The following SYNE2 variants were observed in gnomAD, a reference collection of about 807,000 sequenced individuals.
SYNE2 encodes nesprin-2.
SYNE2 carries 431 observed loss-of-function variants against 856.3 expected under a neutral mutation model. The ratio of observed to expected loss-of-function variants is 0.50; its 90% CI spans 0.47 to 0.55. The LOEUF is 0.55. Among genes scored for constraint, SYNE2 ranks in the 20% least tolerant of loss-of-function variants. The probability of loss-of-function intolerance (pLI) is 0.00; values close to 1 mark genes in which losing one functional copy is unlikely to be tolerated. For missense variants in SYNE2, 8,129 were observed against 8,023.2 expected (o/e 1.01, Z -0.50); for synonymous variants, 2,923 against 2,872.3 (o/e 1.02, Z -0.56).
chr14:64,134,323 C>T, intron 78 of SYNE2, 123 bp downstream of exon 78: 1 of 1,030,732 alleles, frequency 9.7e-7, no homozygotes, highest in Non-Finnish European at 1.5e-6. Flanking sequence ...TCATACAACT[C>T]ACTGTTGAAT....
chr14:64,002,030 C>T lies in SYNE2; in HGVS notation c.3735C>T (p.Ala1245=). The change falls in exon 29 of 116, where the codon GCC becomes GCT. Residue 1245 remains alanine (A), a synonymous_variant. Coordinates refer to ENST00000555002, the MANE Select transcript of SYNE2 (RefSeq NM_182914.3). The stretch of plus-strand genomic sequence containing the variant: ...CGGACCTGCCTCTCCATAAAATGGC[C>T]ATCCAGGGATTTCATCTCATTGATG... ...CGSDLPLHKM[A]IQGFHLIDAD... is the part of the protein sequence containing the mutation. The T allele has an allele frequency of 6.2e-7, 1 of 1,613,748 alleles. No homozygotes were observed. The highest frequency in any genetic ancestry group is 8.5e-7 in the Non-Finnish European group (1 of 1,179,664).
chr14:64,165,543 C>T lies in SYNE2; in HGVS notation c.16605+133C>T, dbSNP rs113737942. ...ATTTTTTTTTTTTGAGACGGACTCTCGCTCTGTCACCCAGGCTGGAGTGCA... is the reference window on the plus strand; with the variant it reads ...ATTTTTTTTTTTTGAGACGGACTCTTGCTCTGTCACCCAGGCTGGAGTGCA... On this transcript the variant is annotated intron_variant, in intron 90 of 115. Transcript: ENST00000555002. The T allele has an allele frequency of 9.5e-5, 91 of 957,538 alleles. 1 individual carries two copies. Among genetic ancestry groups the T allele is most frequent in the South Asian group, 7.0e-4 (51 of 72,750 alleles). The allele number at this position is 957,538 out of a possible 1,614,324, so 59.3% of individuals were successfully genotyped here.
At chr14:63,790,029 A>T (rs1312974605) in intron 1 of SYNE2, among the ~76,000 whole-genome samples, 1 of 152,180 alleles carries the variant, frequency 6.6e-6, no homozygotes, top group Non-Finnish European at 1.5e-5. Context: ...ATGAGAGCTC[A>T]AGAGGAAGTT....
chr14:64,090,977 C>T lies in SYNE2; in HGVS notation c.11905C>T (p.Arg3969Trp), dbSNP rs141498263. ...TGMKPLPVFQ[R>W]TNQLLQDIKL... ...AATGAAACCTCTGCCTGTGTTTCAGCGGACAAATCAGCTTTTACAAGATAT... is the reference window on the plus strand; with the variant it reads ...AATGAAACCTCTGCCTGTGTTTCAGTGGACAAATCAGCTTTTACAAGATAT... Residue 3969 changes from arginine (R) to tryptophan (W), a missense_variant, in exon 60 of 116, where the codon CGG becomes TGG. By Grantham distance (101) the Arg-to-Trp change is moderately radical. This residue lies in a region of SYNE2 where 5,410 missense variants were observed against 5,284.8 expected (regional missense o/e 1.02). Coordinates refer to ENST00000555002, the MANE Select transcript of SYNE2 (RefSeq NM_182914.3). 2.9e-5 allele frequency: 47 copies of T among 1,613,918 alleles called. No individual in the cohort carries two copies. Among genetic ancestry groups the T allele is most frequent in the Middle Eastern group, 1.6e-4 (1 of 6,084 alleles).
rs373196708 is a variant in SYNE2 at position 64,225,352 on chromosome 14, C to G, written c.20550C>G (p.Phe6850Leu). The change falls in exon 116 of 116, where the codon TTC (phenylalanine) becomes TTG (leucine). Residue 6850 changes from phenylalanine to leucine, a missense_variant. Transcript: ENST00000555002. ...VPGSTRPQRS[F>L]LSRVVRAALP... is the part of the protein sequence containing the mutation. ...GCAGCACACGGCCACAGCGCTCCTT[C>G]CTCTCAAGGGTGGTCCGGGCAGCCC... 38 of 1,614,050 alleles carry G rather than the reference C, an allele frequency of 2.4e-5. No individual in the cohort carries two copies. The highest frequency in any genetic ancestry group is 3.2e-5 in the Non-Finnish European group (38 of 1,180,040).
intron 10 of SYNE2, among the ~76,000 whole-genome samples, chr14:63,965,171 C>A (rs891190603): frequency 6.6e-6 from 1 of 152,028 alleles, no homozygotes; most frequent in African/African-American, 2.4e-5. Context: ...CTATGTTGGC[C>A]AGGCTGGTCT....
intron 1 of SYNE2, among the ~76,000 whole-genome samples, chr14:63,869,490 CGG>C (rs1359677557): frequency 6.6e-6 from 1 of 151,480 alleles, no homozygotes; most frequent in Non-Finnish European, 1.5e-5. Context: ...GGCGTGGTGG[CGG>C]GCACCTGTAA....
intron 66 of SYNE2, among the ~76,000 whole-genome samples, chr14:64,118,328 G>A (rs1043717523): frequency 6.6e-6 from 1 of 152,144 alleles, no homozygotes; most frequent in Non-Finnish European, 1.5e-5. Context: ...TACAATGACC[G>A]AGACTTACTG....
chr14:64,022,131 C>A, intron 37 of SYNE2, 103 bp downstream of exon 37: 1 of 1,070,434 alleles, frequency 9.3e-7, no homozygotes, highest in Non-Finnish European at 1.4e-6. Flanking sequence ...AGATGGTTTG[C>A]ACAGACTACA....
intron 1 of SYNE2, among the ~76,000 whole-genome samples, chr14:63,827,651 A>AAAAAAAAAAG (rs1889498008): frequency 7.1e-6 from 1 of 141,784 alleles, no homozygotes; most frequent in African/African-American, 2.8e-5. Context: ...AAAAAAAAAA[A>AAAAAAAAAAG]AAAAAGAAAG....
At chr14:64,206,476 G>A (rs899374956) in intron 100 of SYNE2, among the ~76,000 whole-genome samples, 5 of 151,430 alleles carry the variant, frequency 3.3e-5, no homozygotes, top group African/African-American at 1.2e-4. Flanking sequence ...TTTGTACAAG[G>A]TAACTAGTAG....
In SYNE2 at chr14:64,038,091, G is replaced by A. The variant is rs867297810; in HGVS notation, c.7221+6734G>A. On this transcript the variant is annotated intron_variant, in intron 45 of 115. Transcript: ENST00000555002. ...GGTCTCCTCACTTCTCAGACGGGGC[G>A]GCCGGGCAGAGATGCTCCTCATCTC... Among the ~76,000 whole-genome samples, 56 of 152,158 alleles carry A rather than the reference G, an allele frequency of 3.7e-4. No individual in the cohort carries two copies. The South Asian group carries it at 5.6e-3, about 15-fold the overall frequency.
At chr14:64,178,602 G>A (rs763590712) in intron 96 of SYNE2, among the ~76,000 whole-genome samples, 55 of 152,180 alleles carry the variant, frequency 3.6e-4, no homozygotes, top group Non-Finnish European at 6.6e-4. Context: ...CAGAGTACAG[G>A]CATGCACCGC....
intron 64 of SYNE2, among the ~76,000 whole-genome samples, chr14:64,103,635 C>T (rs1052369809): frequency 6.6e-6 from 1 of 152,190 alleles, no homozygotes; most frequent in Non-Finnish European, 1.5e-5. Context: ...CCATTCTCTG[C>T]CTATACCTGC....
intron 1 of SYNE2, among the ~76,000 whole-genome samples, chr14:63,809,915 A>T (rs186114455): frequency 7.2e-5 from 11 of 152,298 alleles, no homozygotes; most frequent in African/African-American, 2.6e-4. Context: ...AAAAGAATCC[A>T]TTCTCTCTCC....
intron 2 of SYNE2, among the ~76,000 whole-genome samples, chr14:63,913,487 G>T (rs2095498014): frequency 7.6e-6 from 1 of 130,978 alleles, no homozygotes; most frequent in Admixed American, 8.0e-5. Context: ...TTCTGAGACA[G>T]AATCTTGCTC....
intron 108 of SYNE2, among the ~76,000 whole-genome samples, chr14:64,217,035 TTGTTA>T (rs2098669809): frequency 6.6e-6 from 1 of 152,234 alleles, no homozygotes; most frequent in African/African-American, 2.4e-5. Flanking sequence ...CTTCAAGCCT[TTGTTA>T]TGTTAACCTT....
At chr14:64,100,745 T>C (rs981416877) in intron 63 of SYNE2, among the ~76,000 whole-genome samples, 2 of 151,244 alleles carry the variant, frequency 1.3e-5, no homozygotes, top group Non-Finnish European at 2.9e-5. Context: ...GTCACCATGA[T>C]ATACAAAAGA....
rs532620683 is a variant in SYNE2, at chr14:64,010,132, A to G, written c.4728+16A>G. 1.2e-5 allele frequency: 20 copies of G among 1,605,292 alleles called. 1 individual carries two copies. In the South Asian group the frequency reaches 1.8e-4, roughly 14 times the overall value. On this transcript the variant is annotated intron_variant, in intron 32 of 115. Transcript: ENST00000555002. ...GATAGCAGAGGTGAGTCCAGGTTCCATTAGAAAAAACTGCCCAGTGACCTC... is the reference window on the plus strand; with the variant it reads ...GATAGCAGAGGTGAGTCCAGGTTCCGTTAGAAAAAACTGCCCAGTGACCTC...
Sources: gnomAD v4.1 joint callset for allele counts (sites outside exome capture counted in the v4.1 genomes callset) on GRCh38, gnomAD v4.1.1 for gene constraint, gnomAD v4.1.1 regional missense constraint, MANE v1.5 for transcripts, NCBI Gene and HGNC (gene_info 2026-07-23, HGNC 2026-07-21) for gene names.